The following MYO1A variants were observed in gnomAD, a reference collection of about 807,000 sequenced individuals.
The protein encoded by MYO1A is unconventional myosin-Ia.
MYO1A carries 127 observed loss-of-function variants against 138.5 expected under a neutral mutation model. That is an observed-to-expected ratio of 0.92 (90% CI 0.79 to 1.06). MYO1A has a LOEUF of 1.06. Among genes scored for constraint, MYO1A ranks in the 50% least tolerant of loss-of-function variants. MYO1A has a pLI of 0.00. For missense variants in MYO1A, 1,211 were observed against 1,288.8 expected, an observed-to-expected ratio of 0.94 and a Z score of 0.92; for synonymous variants, 477 against 497.5, an observed-to-expected ratio of 0.96 and a Z score of 0.55.
At chr12:57,030,475 C>A (rs567246964) in intron 23 of MYO1A, among the ~76,000 whole-genome samples, 159 bp from the exon 24 acceptor site, 97 of 152,004 alleles carry the variant, frequency 6.4e-4, no homozygotes, top group Non-Finnish European at 1.2e-3. Context: ...GCTGGAGGAC[C>A]ATTGAGGAGG....
At chr12:57,047,261 G>A (rs772300818) in intron 5 of MYO1A, 42 bp downstream of exon 5, 15 of 1,591,388 alleles carry the variant, frequency 9.4e-6, no homozygotes, top group South Asian at 8.8e-5. Flanking sequence ...TGATTCTGGG[G>A]GTTAGATGGA....
chr12:57,029,732 GCCCTTA>G lies in MYO1A; in HGVS notation c.2724+2_2724+7del. On this transcript the variant is annotated splice_donor_variant and splice_donor_5th_base_variant and intron_variant, in intron 25 of 27. Coordinates refer to ENST00000300119, the MANE Select transcript of MYO1A (RefSeq NM_005379.4). LOFTEE classifies it high-confidence loss of function. ...GCTGCGGGAGGAGTTCAGCCTGCAG[GCCCTTA>G]CCTTGCCATTGCCACGATTGACCTT... The G allele has an allele frequency of 6.2e-7, 1 of 1,614,146 alleles. No individual in the cohort carries two copies. Among genetic ancestry groups the G allele is most frequent in the Non-Finnish European group, 8.5e-7 (1 of 1,180,022 alleles).
chr12:57,037,405 A>C, intron 19 of MYO1A, 143 bp downstream of exon 19: 1 of 871,098 alleles, frequency 1.1e-6, no homozygotes, highest in Non-Finnish European at 1.9e-6. Flanking sequence ...TCCCAGGGAT[A>C]CGGTTCCTGC....
chr12:57,043,716 T>G, intron 10 of MYO1A, 140 bp downstream of exon 10: 1 of 1,078,172 alleles, frequency 9.3e-7, no homozygotes, highest in Admixed American at 2.1e-5. Context: ...TCAGTGAGTC[T>G]GTTTAGGGGA....
chr12:57,050,263 C>T (rs1270604712), upstream of MYO1A: 2 of 152,166 alleles, frequency 1.3e-5, no homozygotes, highest in Non-Finnish European at 2.9e-5. Flanking sequence ...ATCTGGCTGG[C>T]GTTAGCTGAG....
chr12:57,041,206 T>C lies in MYO1A; in HGVS notation c.1247A>G (p.Glu416Gly). 2 of 1,613,478 alleles carry C rather than the reference T, an allele frequency of 1.2e-6. No individual in the cohort carries two copies. Among genetic ancestry groups the C allele is most frequent in the African/African-American group, 2.7e-5 (2 of 75,052 alleles). Residue 416 changes from glutamate (E) to glycine (G), a missense_variant, in exon 14 of 28, where the codon GAG (glutamate) becomes GGG (glycine). Glu to Gly is a moderately conservative substitution (Grantham distance 98, BLOSUM62 -2). Coordinates refer to ENST00000300119, the MANE Select transcript of MYO1A (RefSeq NM_005379.4). The stretch of plus-strand genomic sequence containing the variant: ...TACTTCTCTCTTATATTCCTCTTGC[T>C]CTTCTTTCAGGGTCATCTCTATGAA... ...QVFIEMTLKE[E>G]QEEYKREGIP...
At chr12:57,038,212 T>C in intron 17 of MYO1A, 143 bp from the exon 18 acceptor site, 1 of 1,130,966 alleles carries the variant, frequency 8.8e-7, no homozygotes, top group East Asian at 2.5e-5. Flanking sequence ...CCAGTTTCAC[T>C]CACTTCTATG....
At chr12:57,040,835 T>C (rs1480134075) in intron 14 of MYO1A, among the ~76,000 whole-genome samples, 2 of 152,184 alleles carry the variant, frequency 1.3e-5, no homozygotes, top group African/African-American at 2.4e-5. Context: ...CCAAGGACTC[T>C]GAGATGTTAG....
At chr12:57,037,776 C>T in intron 18 of MYO1A, 93 bp downstream of exon 18, 1 of 1,507,328 alleles carries the variant, frequency 6.6e-7, no homozygotes, top group Non-Finnish European at 9.2e-7. Flanking sequence ...CACCCAGCTT[C>T]AGCAGATGTG....
chr12:57,031,653 A>G (rs2030294633), intron 22 of MYO1A, among the ~76,000 whole-genome samples: 1 of 152,244 alleles, frequency 6.6e-6, no homozygotes, highest in African/African-American at 2.4e-5. Context: ...AAGGAGAAAG[A>G]GCAAATGAAT....
intron 12 of MYO1A, among the ~76,000 whole-genome samples, chr12:57,041,884 A>G (rs1431612181): frequency 2.0e-5 from 3 of 152,228 alleles, no homozygotes; most frequent in Admixed American, 2.0e-4. Context: ...AAATTTCAGA[A>G]GGATAGGTAC....
chr12:57,047,067 G>T lies in MYO1A; in HGVS notation c.471C>A (p.Ser157=). The T allele has an allele frequency of 6.2e-7, 1 of 1,614,166 alleles. No homozygotes were observed. The highest frequency in any genetic ancestry group is 8.5e-7 in the Non-Finnish European group (1 of 1,180,026). ...TGGGGAGACATTTACTCACAAATCG[G>T]GAGGAATTGTTGTTGCGAATGGTCT... ...NAKTIRNNNS[S]RFGKYMDIEF... The change falls in exon 6 of 28, where the codon TCC becomes TCA. Residue 157 remains serine, a synonymous_variant. Coordinates refer to ENST00000300119, the MANE Select transcript of MYO1A (RefSeq NM_005379.4).
rs200074582 is a variant in MYO1A, at chr12:57,031,005, C to T, written c.2484+35G>A. 259 of 1,608,760 alleles carry T rather than the reference C, an allele frequency of 1.6e-4. 1 individual carries two copies. The African/African-American group carries it at 2.3e-3, about 14-fold the overall frequency. On this transcript the variant is annotated intron_variant, in intron 23 of 27. Transcript: ENST00000300119. ...AAATCAGGGGGAGGGAAAAAAAAGA[C>T]GAAATGAGAGGAGGGGTGCCTGGGC...
chr12:57,041,066 TG>T, intron 14 of MYO1A, 117 bp downstream of exon 14: 1 of 757,814 alleles, frequency 1.3e-6, no homozygotes, highest in Non-Finnish European at 2.3e-6. Context: ...GGAAACATTT[TG>T]TCCTCTGTGT....
At position 57,043,929 on chromosome 12, in the gene MYO1A, C is replaced by T. The variant is rs1592481291; in HGVS notation, c.819G>A (p.Lys273=). The T allele has an allele frequency of 1.9e-6, 3 of 1,614,216 alleles. No homozygotes were observed. The highest frequency in any genetic ancestry group is 1.7e-6 in the Non-Finnish European group (2 of 1,180,028). The change falls in exon 10 of 28, where the codon AAG becomes AAA. Residue 273 remains lysine (K), a synonymous_variant. Transcript: ENST00000300119. Reference sequence around the variant, plus strand: ...CATCAGCCACCAACACGTTCCCCAGCTTTAGCACCATGGATGTCACCTCTA... The same window carrying T: ...CATCAGCCACCAACACGTTCCCCAGTTTTAGCACCATGGATGTCACCTCTA... ...QVLEVTSMVL[K]LGNVLVADEF... is the part of the protein sequence containing the mutation.
chr12:57,033,731 T>C (rs1592471479), intron 22 of MYO1A, among the ~76,000 whole-genome samples: 1 of 152,340 alleles, frequency 6.6e-6, no homozygotes, highest in East Asian at 1.9e-4. Flanking sequence ...ATATAAAAAA[T>C]GACTTGATTT....
rs777160573 is a variant in MYO1A at position 57,029,143 on chromosome 12, G to A, written c.2994C>T (p.Thr998=). 24 of 1,613,872 alleles carry A rather than the reference G, an allele frequency of 1.5e-5. No homozygotes were observed. The highest frequency in any genetic ancestry group is 1.9e-5 in the Non-Finnish European group (22 of 1,179,998). The part of the protein sequence containing the change: ...LDATQRQLTV[T]VTEKFSVRFK... ...GTTCATGGCCTCACTTCTCAGTCAC[G>A]GTGACTGTAAGCTGCCTCTGCGTGG... is the stretch of plus-strand genomic sequence containing the variant. The change falls in exon 27 of 28, where the codon ACC becomes ACT. Residue 998 remains threonine, a synonymous_variant. Coordinates refer to ENST00000300119, the MANE Select transcript of MYO1A (RefSeq NM_005379.4).
At position 57,030,188 on chromosome 12, in the gene MYO1A, G is replaced by A. The variant is rs2122693; in HGVS notation, c.2591+22C>T. The A allele has an allele frequency of 0.019, 29,922 of 1,579,924 alleles. 359 individuals are homozygous for A. Among genetic ancestry groups the A allele is most frequent in the Middle Eastern group, 0.023 (137 of 6,000 alleles). ...ACTGCTGCGTGATGGAACTGGCTGT[G>A]CAGGGTCTGGGAGGCCCTCACCTCT... On this transcript the variant is annotated intron_variant, in intron 24 of 27. Coordinates refer to ENST00000300119, the MANE Select transcript of MYO1A (RefSeq NM_005379.4).
chr12:57,032,360 T>C (rs761529003), intron 22 of MYO1A, among the ~76,000 whole-genome samples: 1 of 152,216 alleles, frequency 6.6e-6, no homozygotes, highest in Non-Finnish European at 1.5e-5. Context: ...GTCTTCATTT[T>C]CACTGGACTT....
Sources: gnomAD v4.1 joint callset for allele counts (sites outside exome capture counted in the v4.1 genomes callset) on GRCh38, gnomAD v4.1.1 for gene constraint, MANE v1.5 for transcripts, NCBI Gene and HGNC (gene_info 2026-07-23, HGNC 2026-07-21) for gene names.